The following CNOT10 variants were observed in gnomAD, a reference collection of about 807,000 sequenced individuals.
The protein encoded by CNOT10 is CCR4-NOT transcription complex subunit 10.
In CNOT10, 30 loss-of-function variants were observed where a neutral mutation model predicts 94.6. That is an observed-to-expected ratio of 0.32 (90% CI 0.24 to 0.43). The LOEUF is 0.43. CNOT10 is among the 20% of genes least tolerant of loss of function. The probability of loss-of-function intolerance (pLI) is 1.00; values close to 1 mark genes in which losing one functional copy is unlikely to be tolerated. For synonymous variants in CNOT10, 289 were observed against 301.6 expected (o/e 0.96, Z 0.43); for missense variants, 759 against 877.2 (o/e 0.87, Z 1.70).
At chr3:32,700,875 G>T (rs941880307) in intron 1 of CNOT10, among the ~76,000 whole-genome samples, 9 of 152,174 alleles carry the variant, frequency 5.9e-5, no homozygotes, top group Non-Finnish European at 1.3e-4. Flanking sequence ...AGCTTTTGCT[G>T]GTGAGTAGAA....
chr3:32,765,096 G>A lies in CNOT10; in HGVS notation c.2004+287G>A, dbSNP rs749943437. 51 of 805,744 alleles carry A rather than the reference G, an allele frequency of 6.3e-5. 1 individual carries two copies. Among genetic ancestry groups the A allele is most frequent in the East Asian group, 3.0e-4 (5 of 16,896 alleles). 49.9% of individuals were successfully genotyped at this position (805,744 alleles called of 1,614,324 possible). The stretch of plus-strand genomic sequence containing the variant: ...AGCACTTTGGGAGGCCGAGGCAGGC[G>A]GATCATGAGGTCAGGAGTTTGAGAC... On this transcript the variant is annotated intron_variant, in intron 17 of 18. Transcript: ENST00000328834.
intron 13 of CNOT10, among the ~76,000 whole-genome samples, chr3:32,754,476 C>CAAAAAAAAAAAAA (rs1553637886): frequency 1.1e-4 from 4 of 36,256 alleles, no homozygotes; most frequent in African/African-American, 5.6e-4. Flanking sequence ...GACTCCGTCT[C>CAAAAAAAAAAAAA]AAAAAAAAAA....
rs78874768 is a variant in CNOT10 at position 32,751,978 on chromosome 3, T to C, written c.1596-7480T>C. Among the ~76,000 whole-genome samples the C allele has an allele frequency of 8.4e-3, 1,282 of 152,258 alleles. 13 individuals are homozygous for C. Among genetic ancestry groups the C allele is most frequent in the Non-Finnish European group, 0.013 (895 of 68,014 alleles). ...CATTTAGATGAACTGGTGATCAGAT[T>C]GATCACAAACCAGGGTTAAAATAAT... On this transcript the variant is annotated intron_variant, in intron 13 of 18. Transcript: ENST00000328834.
At chr3:32,754,766 C>G (rs1700147932) in intron 13 of CNOT10, among the ~76,000 whole-genome samples, 1 of 149,710 alleles carries the variant, frequency 6.7e-6, no homozygotes, top group African/African-American at 2.5e-5. Context: ...AGGTGATCAG[C>G]CTGCCTCGGC....
rs1230587542 is a variant in CNOT10, at chr3:32,737,504, C to CA, written c.1595+18dup. On this transcript the variant is annotated intron_variant, in intron 13 of 18. Transcript: ENST00000328834. ...AGAAAACTTAAAGTGAGTATCTAAA[C>CA]AAAATTAGCATTGCATCTATTGAAA... 6.7e-7 allele frequency: 1 copy of CA among 1,483,794 alleles called. No homozygotes were observed. Among genetic ancestry groups the CA allele is most frequent in the Admixed American group, 1.7e-5 (1 of 59,156 alleles). The allele number at this position is 1,483,794 out of a possible 1,614,324, so 91.9% of individuals were successfully genotyped here.
rs1167248770 is a variant in CNOT10 at position 32,757,110 on chromosome 3, GA to G, written c.1596-2332del. ...AACAGAGCAAGACTCCGTCTCAAAA[GA>G]AAAAAAAAAAAAAAAGATACTAAAT... On this transcript the variant is annotated intron_variant, in intron 13 of 18. Transcript: ENST00000328834. Among the ~76,000 whole-genome samples the G allele has an allele frequency of 5.6e-3, 283 of 50,940 alleles. 1 individual carries two copies. The highest frequency in any genetic ancestry group is 0.011 in the African/African-American group (151 of 14,350). 33.4% of individuals were successfully genotyped at this position (50,940 alleles called of 152,430 possible).
chr3:32,716,226 C>T lies in CNOT10; in HGVS notation c.575C>T (p.Thr192Ile). 1.3e-6 allele frequency: 2 copies of T among 1,550,806 alleles called. No individual in the cohort carries two copies. Among genetic ancestry groups the T allele is most frequent in the Middle Eastern group, 1.7e-4 (1 of 5,856 alleles). ...AAACTTTGTTTCATCACCCTACAGA[C>T]TGGTAATAACAACAACAAAGATGGA... ...GNNNKNGKNE[T>I]GNNNNKDGSN... The change falls in exon 6 of 19, where the codon ACT becomes ATT. Residue 192 changes from threonine to isoleucine, a missense_variant and splice_region_variant. Thr to Ile is a moderately conservative substitution (Grantham distance 89). Around this residue, in one of 3 missense-constraint regions of CNOT10, gnomAD observed 682 missense variants for 799.4 expected, o/e 0.85. Transcript: ENST00000328834.
At chr3:32,752,996 G>A (rs111677197) in intron 13 of CNOT10, 71 of 472,350 alleles carry the variant, frequency 1.5e-4, no homozygotes, top group East Asian at 1.2e-3. Flanking sequence ...ACCCCCAGGC[G>A]GCATTAGAGG....
At chr3:32,740,056 C>T (rs1460966636) in intron 13 of CNOT10, among the ~76,000 whole-genome samples, 1 of 152,122 alleles carries the variant, frequency 6.6e-6, no homozygotes, top group East Asian at 1.9e-4. Context: ...GTGATTGTAC[C>T]ATCAAACTCC....
chr3:32,713,324 A>G lies in CNOT10; in HGVS notation c.528A>G (p.Glu176=). The change falls in exon 5 of 19, where the codon GAA becomes GAG. Residue 176 remains glutamate (E), a synonymous_variant. Coordinates refer to ENST00000328834, the MANE Select transcript of CNOT10 (RefSeq NM_015442.3). ...EKALHLLAVL[E]KMISQGNNNK... ...CTTTGCATCTTCTTGCTGTCCTAGA[A>G]AAAATGATTTCACAGGGTAACAATA... 1 of 1,605,806 alleles carries G rather than the reference A, an allele frequency of 6.2e-7. No homozygotes were observed.
chr3:32,696,041 C>T (rs547852942), intron 1 of CNOT10, among the ~76,000 whole-genome samples: 4 of 146,856 alleles, frequency 2.7e-5, no homozygotes, highest in Admixed American at 6.9e-5. Context: ...CTTGGCCGGG[C>T]GTGGTGACTC....
intron 13 of CNOT10, among the ~76,000 whole-genome samples, chr3:32,755,029 C>A (rs1700160425): frequency 6.6e-6 from 1 of 151,480 alleles, no homozygotes; most frequent in South Asian, 2.1e-4. Flanking sequence ...GGCGGATCAC[C>A]TGTGGTCAGG....
chr3:32,768,297 A>G (rs1420051909), intron 17 of CNOT10, among the ~76,000 whole-genome samples: 1 of 152,022 alleles, frequency 6.6e-6, no homozygotes, highest in Non-Finnish European at 1.5e-5. Context: ...TATCCACAAA[A>G]TGGGCCGGGC....
At chr3:32,752,516 A>G (rs1700007759) in intron 13 of CNOT10, among the ~76,000 whole-genome samples, 1 of 152,200 alleles carries the variant, frequency 6.6e-6, no homozygotes, top group Non-Finnish European at 1.5e-5. Context: ...GGGATGCCAG[A>G]TTTGATAAAG....
intron 1 of CNOT10, among the ~76,000 whole-genome samples, chr3:32,686,777 C>T (rs982218431): frequency 3.3e-5 from 5 of 152,224 alleles, no homozygotes; most frequent in African/African-American, 1.2e-4. Context: ...TTCCTACTTG[C>T]TCATACCATT....
chr3:32,752,836 T>C, intron 13 of CNOT10: 1 of 235,402 alleles, frequency 4.2e-6, no homozygotes, highest in Non-Finnish European at 8.4e-6. Flanking sequence ...ATTGAGAAGT[T>C]TCCCCCTTGG....
Position 32,708,741 on chromosome 3 carries a change from A to G in CNOT10, c.351A>G (p.Ala117=). ...VENSMLYYNQ[A]VILYHLRQYT... is the part of the protein sequence containing the mutation. Reference sequence around the variant, plus strand: ...ACAGCATGTTGTACTATAATCAAGCAGTCATTCTTTATCATCTGCGGCAGT... The same window carrying G: ...ACAGCATGTTGTACTATAATCAAGCGGTCATTCTTTATCATCTGCGGCAGT... The change falls in exon 4 of 19, where the codon GCA becomes GCG. Residue 117 remains alanine (A), a synonymous_variant. Coordinates refer to ENST00000328834, the MANE Select transcript of CNOT10 (RefSeq NM_015442.3). 6.2e-7 allele frequency: 1 copy of G among 1,613,564 alleles called. No individual in the cohort carries two copies. Among genetic ancestry groups the G allele is most frequent in the Non-Finnish European group, 8.5e-7 (1 of 1,179,692 alleles).
intron 13 of CNOT10, chr3:32,753,493 C>G: frequency 6.4e-7 from 1 of 1,564,314 alleles, no homozygotes; most frequent in South Asian, 1.1e-5. Context: ...TCCTATAATA[C>G]CAGAACAGAG....
intron 8 of CNOT10, among the ~76,000 whole-genome samples, chr3:32,721,136 T>G (rs1296199600): frequency 7.2e-6 from 1 of 138,632 alleles, no homozygotes; most frequent in Non-Finnish European, 1.5e-5. Context: ...CTTGGCTCAC[T>G]ACAGCCTCCA....
Sources: allele counts gnomAD v4.1 joint callset (sites outside exome capture counted in the v4.1 genomes callset), GRCh38; gene constraint gnomAD v4.1.1; regional missense constraint gnomAD v4.1.1; transcripts MANE v1.5; gene names NCBI Gene and HGNC (gene_info 2026-07-23, HGNC 2026-07-21).